Variants in GRIP1 observed in about 807,000 individuals in gnomAD.
GRIP1 encodes the protein glutamate receptor interacting protein 1, also known as glutamate receptor-interacting protein 1.
GRIP1 carries 45 observed loss-of-function variants against 129.9 expected under a neutral mutation model. The ratio of observed to expected loss-of-function variants is 0.35; its 90% CI spans 0.27 to 0.44. GRIP1 has a LOEUF of 0.44. GRIP1 is among the 20% of genes least tolerant of loss of function. The pLI is 1.00. For missense variants in GRIP1, 1,196 were observed against 1,396.8 expected (o/e 0.86, Z 2.29); for synonymous variants, 530 against 520.8 (o/e 1.02, Z -0.24).
intron 14 of GRIP1, among the ~76,000 whole-genome samples, chr12:66,421,153 T>C (rs977094830): frequency 1.3e-5 from 2 of 152,242 alleles, no homozygotes; most frequent in Non-Finnish European, 2.9e-5. Context: ...CCCCTTCTTT[T>C]ATTCCTTTCC....
chr12:67,042,541 TC>T (rs2043195989), intron 1 of GRIP1, among the ~76,000 whole-genome samples: 1 of 152,200 alleles, frequency 6.6e-6, no homozygotes, highest in African/African-American at 2.4e-5. Context: ...TGCCAGGCAT[TC>T]TTTTTCTTAA....
At chr12:66,816,422 T>C (rs1346314978) in intron 1 of GRIP1, among the ~76,000 whole-genome samples, 6 of 152,216 alleles carry the variant, frequency 3.9e-5, no homozygotes, top group African/African-American at 1.4e-4. Context: ...TTCCTGTATA[T>C]TGATTGTACT....
intron 11 of GRIP1, among the ~76,000 whole-genome samples, chr12:66,454,700 A>G (rs977786759): frequency 2.6e-5 from 4 of 152,170 alleles, no homozygotes; most frequent in African/African-American, 4.8e-5. Context: ...GGCTGTCCAG[A>G]TCATTTTTAC....
intron 1 of GRIP1, among the ~76,000 whole-genome samples, chr12:66,647,789 G>T (rs188378446): frequency 1.3e-4 from 20 of 152,202 alleles, no homozygotes; most frequent in South Asian, 2.1e-4. Context: ...TCCTTCTCTG[G>T]ATTTGTCAGT....
intron 1 of GRIP1, among the ~76,000 whole-genome samples, chr12:66,599,074 T>C (rs750695263): frequency 2.6e-5 from 4 of 152,192 alleles, no homozygotes; most frequent in Admixed American, 1.3e-4. Context: ...TGAGATAGTC[T>C]AGTTGAGCAC....
At chr12:66,556,840 A>T (rs902864334) in intron 2 of GRIP1, among the ~76,000 whole-genome samples, 6 of 152,084 alleles carry the variant, frequency 3.9e-5, no homozygotes, top group Admixed American at 3.3e-4. Context: ...CATAAAGTAT[A>T]AAAAGGAAGA....
intron 11 of GRIP1, among the ~76,000 whole-genome samples, chr12:66,450,410 G>C (rs932344848): frequency 6.8e-6 from 1 of 147,824 alleles, no homozygotes; most frequent in Admixed American, 6.8e-5. Flanking sequence ...CCTTCTCAAA[G>C]GAAAGACTTG....
At chr12:66,704,297 T>G (rs1024930205) in intron 1 of GRIP1, among the ~76,000 whole-genome samples, 1 of 151,900 alleles carries the variant, frequency 6.6e-6, no homozygotes, top group African/African-American at 2.4e-5. Context: ...TAGAAGAAAT[T>G]ATTAAAAAAC....
At chr12:66,653,618 G>A (rs563380330) in intron 1 of GRIP1, among the ~76,000 whole-genome samples, 4 of 152,206 alleles carry the variant, frequency 2.6e-5, no homozygotes, top group East Asian at 1.9e-4. Context: ...AACTGTTGAC[G>A]CACACTAGAC....
intron 15 of GRIP1, among the ~76,000 whole-genome samples, chr12:66,414,259 A>G (rs1325797557): frequency 2.0e-5 from 3 of 152,194 alleles, no homozygotes; most frequent in Admixed American, 6.5e-5. Flanking sequence ...CCACATACAA[A>G]ATCACTGTGC....
At chr12:66,543,333 C>T (rs1011688038) in intron 2 of GRIP1, among the ~76,000 whole-genome samples, 7 of 152,092 alleles carry the variant, frequency 4.6e-5, no homozygotes, top group Non-Finnish European at 1.0e-4. Context: ...AAGTCATTAT[C>T]GTCTTTTAAA....
chr12:66,782,028 G>A (rs1240856395), intron 1 of GRIP1, among the ~76,000 whole-genome samples: 2 of 152,142 alleles, frequency 1.3e-5, no homozygotes, highest in East Asian at 3.8e-4. Context: ...GATCAGGATG[G>A]TGGTTAACCT....
intron 1 of GRIP1, among the ~76,000 whole-genome samples, chr12:66,706,967 C>T (rs1592761825): frequency 7.5e-6 from 1 of 133,698 alleles, no homozygotes; most frequent in Admixed American, 8.1e-5. Flanking sequence ...CACGTTCTGC[C>T]CATGTATCCC....
chr12:66,679,243 G>T, upstream of GRIP1: 1 of 760,844 alleles, frequency 1.3e-6, no homozygotes, highest in Non-Finnish European at 1.9e-6. Context: ...TAAATCTAAC[G>T]CTAAGCACTG....
intron 23 of GRIP1, among the ~76,000 whole-genome samples, chr12:66,362,445 G>C (rs1016899418): frequency 7.2e-5 from 11 of 151,766 alleles, no homozygotes; most frequent in African/African-American, 2.7e-4. Context: ...AAGTCACCGC[G>C]CCCAGCCTTC....
chr12:66,427,949 T>C (rs930064121), intron 14 of GRIP1, among the ~76,000 whole-genome samples: 2 of 152,226 alleles, frequency 1.3e-5, no homozygotes, highest in African/African-American at 4.8e-5. Context: ...TATTGATTTA[T>C]GACTTTGCCT....
rs114597348 is a variant in GRIP1, at chr12:66,614,980, T to C, written c.56-18053A>G. Among the ~76,000 whole-genome samples the C allele has an allele frequency of 2.7e-3, 418 of 152,288 alleles. 3 individuals carry two copies. The highest frequency in any genetic ancestry group is 9.7e-3 in the African/African-American group (403 of 41,570). ...CTTGATCATCCTTTTCCAAGCTGCT[T>C]CTCCTTTCCCAAGTTCCTATCCATT... On this transcript the variant is annotated intron_variant, in intron 1 of 24. Coordinates refer to ENST00000359742, the MANE Select transcript of GRIP1 (RefSeq NM_001366722.1).
chr12:66,381,484 G>C (rs565560382), intron 19 of GRIP1, among the ~76,000 whole-genome samples: 2 of 152,158 alleles, frequency 1.3e-5, no homozygotes, highest in Non-Finnish European at 2.9e-5. Context: ...ATAATACAAA[G>C]AGTTTGGGGA....
intron 1 of GRIP1, among the ~76,000 whole-genome samples, chr12:66,797,586 T>G (rs934464569): frequency 2.6e-5 from 4 of 152,204 alleles, no homozygotes; most frequent in African/African-American, 9.6e-5. Flanking sequence ...AAGAATATAG[T>G]TTCCATCGGT....
Sources: gnomAD v4.1 joint callset for allele counts (sites outside exome capture counted in the v4.1 genomes callset) on GRCh38, gnomAD v4.1.1 for gene constraint, MANE v1.5 for transcripts, NCBI Gene and HGNC (gene_info 2026-07-23, HGNC 2026-07-21) for gene names.